SCHIP1: variants seen among roughly 807,000 people sequenced by gnomAD.
SCHIP1 encodes the protein schwannomin-interacting protein 1.
Under a neutral mutation model 29.7 loss-of-function variants are expected in SCHIP1, and 8 were observed. That is an observed-to-expected ratio of 0.27 (90% CI 0.16 to 0.49). The LOEUF (loss-of-function observed/expected upper bound fraction) is 0.49, where lower values mean the gene tolerates loss of function less well. Among genes scored for constraint, SCHIP1 ranks in the 20% least tolerant of loss-of-function variants. The pLI is 0.99. For missense variants in SCHIP1, 193 were observed against 294.6 expected (o/e 0.66, Z 2.52); for synonymous variants, 76 against 94.9 (o/e 0.80, Z 1.16).
chr3:159,564,001 C>T, the SCHIP1 span, among the ~76,000 whole-genome samples: 1 of 152,170 alleles, frequency 6.6e-6, no homozygotes, highest in Non-Finnish European at 1.5e-5. Context: ...CCGTTCCTAA[C>T]ATACAAGACT....
chr3:159,843,846 A>AAAAAAAAG (rs150055870), intron 1 of SCHIP1, among the ~76,000 whole-genome samples: 10 of 140,094 alleles, frequency 7.1e-5, no homozygotes, highest in African/African-American at 1.7e-4. Flanking sequence ...AAAAAAAAAA[A>AAAAAAAAG]GCATTGTAAA....
the SCHIP1 span, among the ~76,000 whole-genome samples, chr3:159,554,028 G>GTGTGTGTGTA: frequency 1.5e-4 from 11 of 73,422 alleles, no homozygotes; most frequent in African/African-American, 1.3e-3. Flanking sequence ...GTTTGTGTAT[G>GTGTGTGTGTA]TGTGTGTGTG....
chr3:159,575,267 G>T, the SCHIP1 span, among the ~76,000 whole-genome samples: 1 of 152,166 alleles, frequency 6.6e-6, no homozygotes, highest in African/African-American at 2.4e-5. Context: ...TTTAGACCAT[G>T]TATATTTGTT....
the SCHIP1 span, among the ~76,000 whole-genome samples, chr3:159,294,741 C>T: frequency 6.6e-6 from 1 of 152,094 alleles, no homozygotes; most frequent in African/African-American, 2.4e-5. Flanking sequence ...ATGAAAGAGA[C>T]CAAGTTTTTG....
intron 1 of SCHIP1, among the ~76,000 whole-genome samples, chr3:159,847,932 T>A (rs556243091): frequency 1.3e-5 from 2 of 152,280 alleles, no homozygotes; most frequent in East Asian, 3.9e-4. Context: ...ATAAATCTAA[T>A]ACATGGAATA....
the SCHIP1 span, among the ~76,000 whole-genome samples, chr3:159,760,728 G>T: frequency 9.2e-5 from 14 of 152,170 alleles, no homozygotes; most frequent in Non-Finnish European, 1.8e-4. Context: ...CCATCTAAGG[G>T]TTGGGAAGTC....
the SCHIP1 span, among the ~76,000 whole-genome samples, chr3:159,798,040 G>C: frequency 6.6e-6 from 1 of 152,230 alleles, no homozygotes; most frequent in Non-Finnish European, 1.5e-5. Context: ...TGAAAGGTCA[G>C]ATGAACAACT....
At chr3:159,551,215 A>C in the SCHIP1 span, among the ~76,000 whole-genome samples, 2 of 152,202 alleles carry the variant, frequency 1.3e-5, no homozygotes, top group African/African-American at 4.8e-5. Context: ...TCCCATCAGT[A>C]TCTGAATTCA....
the SCHIP1 span, among the ~76,000 whole-genome samples, chr3:159,580,267 G>GAGC: frequency 6.6e-6 from 1 of 152,206 alleles, no homozygotes; most frequent in Non-Finnish European, 1.5e-5. Context: ...AATCTGCAGG[G>GAGC]AGCAGCCTGA....
the SCHIP1 span, chr3:159,274,607 C>A: frequency 1.2e-6 from 1 of 832,578 alleles, no homozygotes; most frequent in Non-Finnish European, 1.4e-6. Flanking sequence ...TTTAGACTAT[C>A]AAATTTGTAG....
chr3:159,770,589 A>G, the SCHIP1 span, among the ~76,000 whole-genome samples: 1 of 152,196 alleles, frequency 6.6e-6, no homozygotes, highest in Non-Finnish European at 1.5e-5. Context: ...TCTTGGGTAA[A>G]TAACTAGAAA....
chr3:159,588,990 A>G, the SCHIP1 span, among the ~76,000 whole-genome samples: 4 of 152,090 alleles, frequency 2.6e-5, no homozygotes, highest in East Asian at 7.7e-4. Flanking sequence ...TTTTTTTCCA[A>G]TTCTGTGAAG....
At chr3:159,740,102 G>A in the SCHIP1 span, among the ~76,000 whole-genome samples, 1 of 152,228 alleles carries the variant, frequency 6.6e-6, no homozygotes, top group Non-Finnish European at 1.5e-5. Context: ...TCCACAGCAA[G>A]TGGCCCCCAG....
the SCHIP1 span, among the ~76,000 whole-genome samples, chr3:159,543,840 T>C: frequency 1.3e-5 from 2 of 152,150 alleles, no homozygotes; most frequent in African/African-American, 4.8e-5. Context: ...ACCAACAGTG[T>C]AAAAGTGTTC....
the SCHIP1 span, among the ~76,000 whole-genome samples, chr3:159,489,809 T>G: frequency 6.6e-6 from 1 of 152,272 alleles, no homozygotes; most frequent in African/African-American, 2.4e-5. Context: ...TAGAAAGAAT[T>G]CTAAGACATG....
At chr3:159,722,675 T>G in the SCHIP1 span, among the ~76,000 whole-genome samples, 6 of 152,206 alleles carry the variant, frequency 3.9e-5, no homozygotes, top group African/African-American at 9.7e-5. Flanking sequence ...ATGCATATCA[T>G]TTTTTCAAGT....
the SCHIP1 span, among the ~76,000 whole-genome samples, chr3:159,503,604 T>C: frequency 6.6e-6 from 1 of 152,202 alleles, no homozygotes; most frequent in African/African-American, 2.4e-5. Context: ...ACACCTTTCA[T>C]ATGCTATTCA....
chr3:159,581,899 T>A, the SCHIP1 span, among the ~76,000 whole-genome samples: 2 of 152,188 alleles, frequency 1.3e-5, no homozygotes, highest in African/African-American at 4.8e-5. Context: ...TCATTTTTTC[T>A]TTTTATGAAG....
chr3:159,373,917 A>G, the SCHIP1 span, among the ~76,000 whole-genome samples: 1 of 152,126 alleles, frequency 6.6e-6, no homozygotes, highest in African/African-American at 2.4e-5. Context: ...CACATACTAC[A>G]TATCTTTTTG....
Sources: allele counts gnomAD v4.1 joint callset (sites outside exome capture counted in the v4.1 genomes callset), GRCh38; gene constraint gnomAD v4.1.1; transcripts MANE v1.5; gene names NCBI Gene and HGNC (gene_info 2026-07-23, HGNC 2026-07-21).